The following C2orf68 variants were observed in gnomAD, a reference collection of about 807,000 sequenced individuals.
The protein encoded by C2orf68 is UPF0561 protein C2orf68.
A neutral mutation model predicts 19.1 loss-of-function variants in C2orf68; 15 were observed. The ratio of observed to expected loss-of-function variants is 0.79; its 90% confidence interval spans 0.53 to 1.21. The LOEUF (loss-of-function observed/expected upper bound fraction) is 1.21. C2orf68 is among the 50% of genes most tolerant of loss of function. The pLI is 0.00. For missense variants in C2orf68, 242 were observed against 226.6 expected, an observed-to-expected ratio of 1.07 and a Z score of -0.44; for synonymous variants, 98 against 91.0, an observed-to-expected ratio of 1.08 and a Z score of -0.44.
chr2:85,607,776 A>G lies in C2orf68; in HGVS notation c.*1169T>C, dbSNP rs1278946251. On this transcript the variant is annotated 3_prime_UTR_variant, in exon 4 of 4. Coordinates refer to ENST00000306336, the MANE Select transcript of C2orf68 (RefSeq NM_001013649.4). Reference sequence around the variant, plus strand: ...TTCAAGGCACTGAGGTTAGGCTGATATGCTGGAAAACAAGTGCCTTGGAAC... The same window carrying G: ...TTCAAGGCACTGAGGTTAGGCTGATGTGCTGGAAAACAAGTGCCTTGGAAC... The G allele has an allele frequency of 2.0e-5, 3 of 152,226 alleles. No individual in the cohort carries two copies. Among genetic ancestry groups the G allele is most frequent in the African/African-American group, 4.8e-5 (2 of 41,460 alleles). 9.4% of individuals were successfully genotyped at this position (152,226 alleles called of 1,614,324 possible).
At chr2:85,611,153 A>G (rs1286900765) in intron 2 of C2orf68, 1 of 677,526 alleles carries the variant, frequency 1.5e-6, no homozygotes, top group Non-Finnish European at 1.9e-6. Context: ...GGCTGCAGTA[A>G]GCCCAGATCG....
At position 85,607,163 on chromosome 2, in the gene C2orf68, A is replaced by G. The variant is rs528841294; in HGVS notation, c.*1782T>C. 6.6e-6 allele frequency: 1 copy of G among 152,312 alleles called. No homozygotes were observed. The highest frequency in any genetic ancestry group is 2.4e-5 in the African/African-American group (1 of 41,566). 9.4% of individuals were successfully genotyped at this position (152,312 alleles called of 1,614,324 possible). A position where few individuals can be genotyped will look rare whatever the true frequency, so the allele number is the denominator to read the frequency against. Reference sequence around the variant, plus strand: ...AGGAAACAGGTGATCCAGCTGTGCGAAAACAGACCTCAAATGTATTTCCAG... The same window carrying G: ...AGGAAACAGGTGATCCAGCTGTGCGGAAACAGACCTCAAATGTATTTCCAG... On this transcript the variant is annotated 3_prime_UTR_variant, in exon 4 of 4. Coordinates refer to ENST00000306336, the MANE Select transcript of C2orf68 (RefSeq NM_001013649.4).
In C2orf68 at chr2:85,612,040, C is replaced by G. The variant is rs957294912; in HGVS notation, c.-56G>C. ...CTCGACGGCCCCAACAACAGCCACC[C>G]GCCCACAGAGCTCCGCGCCGCCCCT... is the stretch of plus-strand genomic sequence containing the variant. On this transcript the variant is annotated 5_prime_UTR_variant, in exon 1 of 4. Transcript: ENST00000306336. 2.3e-6 allele frequency: 3 copies of G among 1,285,432 alleles called. No individual in the cohort carries two copies. The highest frequency in any genetic ancestry group is 1.5e-5 in the African/African-American group (1 of 65,334). 79.6% of individuals were successfully genotyped at this position (1,285,432 alleles called of 1,614,324 possible).
At chr2:85,609,123 C>T (rs898148471) in intron 3 of C2orf68, 56 bp from the exon 4 acceptor site, 4 of 1,597,712 alleles carry the variant, frequency 2.5e-6, no homozygotes, top group Non-Finnish European at 3.4e-6. Context: ...GAAAGGTGAC[C>T]TGCCCTGTCC....
chr2:85,611,538 G>A lies in C2orf68; in HGVS notation c.226+130C>T, dbSNP rs766784204. 3.0e-5 allele frequency: 47 copies of A among 1,550,934 alleles called. No individual in the cohort carries two copies. The South Asian group carries it at 5.0e-4, about 16-fold the overall frequency. On this transcript the variant is annotated intron_variant, in intron 2 of 3. Transcript: ENST00000306336. ...TTCAGCGGAGATTTGGGAGCGCTGA[G>A]GTGGAGGTTCCGGAAAGAGACGAGA...
rs1342056900 is a variant in C2orf68 at position 85,611,767 on chromosome 2, CCTT to C, written c.124_126del (p.Lys42del). 1.9e-6 allele frequency: 3 copies of C among 1,612,214 alleles called. No homozygotes were observed. Among genetic ancestry groups the C allele is most frequent in the Non-Finnish European group, 2.5e-6 (3 of 1,179,590 alleles). On this transcript the variant is annotated inframe_deletion, in exon 2 of 4. Coordinates refer to ENST00000306336, the MANE Select transcript of C2orf68 (RefSeq NM_001013649.4). ...ACCTTCTCCTTGGCCGCCTGCTTCA[CCTT>C]CTTGTCATAGTCGTCCCTGCGGGGA...
rs1254086633 is a variant in C2orf68, at chr2:85,611,650, C to A, written c.226+18G>T. 2 of 1,555,718 alleles carry A rather than the reference C, an allele frequency of 1.3e-6. No homozygotes were observed. Among genetic ancestry groups the A allele is most frequent in the African/African-American group, 2.7e-5 (2 of 73,412 alleles). On this transcript the variant is annotated intron_variant, in intron 2 of 3. Transcript: ENST00000306336. Reference sequence around the variant, plus strand: ...GAAGAGCGCGCGGGCTGGAGGCAGGCGGGGCGGGCGGCCTCACCTCGGTGT... The same window carrying A: ...GAAGAGCGCGCGGGCTGGAGGCAGGAGGGGCGGGCGGCCTCACCTCGGTGT...
chr2:85,612,059 C>T lies in C2orf68; in HGVS notation c.-75G>A. On this transcript the variant is annotated 5_prime_UTR_variant, in exon 1 of 4. Coordinates refer to ENST00000306336, the MANE Select transcript of C2orf68 (RefSeq NM_001013649.4). ...GCCACCCGCCCACAGAGCTCCGCGC[C>T]GCCCCTTGCTCAGCTTCCGGCCCCG... 2 of 1,176,568 alleles carry T rather than the reference C, an allele frequency of 1.7e-6. No homozygotes were observed. Among genetic ancestry groups the T allele is most frequent in the Non-Finnish European group, 2.3e-6 (2 of 867,374 alleles). The allele number at this position is 1,176,568 out of a possible 1,614,324, so 72.9% of individuals were successfully genotyped here. A position where few individuals can be genotyped will look rare whatever the true frequency, so the allele number is the denominator to read the frequency against.
rs532829585 is a variant in C2orf68 at position 85,609,841 on chromosome 2, C to T, written c.227-255G>A. Among the ~76,000 whole-genome samples the T allele has an allele frequency of 2.6e-5, 4 of 151,686 alleles. No individual in the cohort carries two copies. In the South Asian group the frequency reaches 6.2e-4, roughly 24 times the overall value. On this transcript the variant is annotated intron_variant, in intron 2 of 3. Coordinates refer to ENST00000306336, the MANE Select transcript of C2orf68 (RefSeq NM_001013649.4). ...GATTACAGGCAAGTGCCACCACATC[C>T]AGCTAATTTTCATATTTTTAGTAGA...
intron 2 of C2orf68, chr2:85,610,963 G>A (rs999894589): frequency 2.6e-5 from 4 of 152,288 alleles, no homozygotes; most frequent in Non-Finnish European, 5.8e-5. Context: ...GTTTCACCAT[G>A]TTAGCCAGGA....
At chr2:85,610,305 G>A (rs1245771148) in intron 2 of C2orf68, 5 of 152,202 alleles carry the variant, frequency 3.3e-5, no homozygotes, top group East Asian at 3.9e-4. Flanking sequence ...ATGAATCACC[G>A]CGCCCGGACC....
chr2:85,611,466 T>A, intron 2 of C2orf68: 2 of 1,547,358 alleles, frequency 1.3e-6, no homozygotes. Flanking sequence ...CTGACAGCGA[T>A]GCTTAACTGG....
In C2orf68 at chr2:85,606,309, C is replaced by T. The variant is rs1333691780; in HGVS notation, c.*2636G>A. 3.3e-5 allele frequency among the ~76,000 whole-genome samples: 5 copies of T among 152,220 alleles called. No homozygotes were observed. Among genetic ancestry groups the T allele is most frequent in the Non-Finnish European group, 4.4e-5 (3 of 68,046 alleles). ...CAGCACCGGACAGTGTTCTTTGGGACATCTCTGGGAAATGCTCTGGAACAT... is the reference window on the plus strand; with the variant it reads ...CAGCACCGGACAGTGTTCTTTGGGATATCTCTGGGAAATGCTCTGGAACAT... On this transcript the variant is annotated 3_prime_UTR_variant, in exon 4 of 4. Transcript: ENST00000306336.
In C2orf68 at chr2:85,611,854, C is replaced by T; in HGVS notation, c.107+24G>A. On this transcript the variant is annotated intron_variant, in intron 1 of 3. Transcript: ENST00000306336. ...CAGGCCAGGCCAGGAGTGGTGGCGG[C>T]GGCGGCGCAGGGCGGGGCGGTACCG... The T allele has an allele frequency of 1.9e-6, 3 of 1,598,140 alleles. No individual in the cohort carries two copies. The South Asian group carries it at 3.3e-5, about 18-fold the overall frequency.
chr2:85,609,150 A>G, intron 3 of C2orf68, 83 bp from the exon 4 acceptor site: 1 of 1,549,904 alleles, frequency 6.5e-7, no homozygotes, highest in East Asian at 2.3e-5. Context: ...ACTCTCACAG[A>G]ACTCCATTTA....
rs972319124 is a variant in C2orf68, at chr2:85,607,175, A to C, written c.*1770T>G. 1 of 152,208 alleles carries C rather than the reference A, an allele frequency of 6.6e-6. No individual in the cohort carries two copies. 9.4% of individuals were successfully genotyped at this position (152,208 alleles called of 1,614,324 possible). On this transcript the variant is annotated 3_prime_UTR_variant, in exon 4 of 4. Coordinates refer to ENST00000306336, the MANE Select transcript of C2orf68 (RefSeq NM_001013649.4). ...ATCCAGCTGTGCGAAAACAGACCTC[A>C]AATGTATTTCCAGACTAAAAAGCCA...
Position 85,608,447 on chromosome 2 carries a change from T to G in C2orf68, c.*498A>C, listed in dbSNP as rs1483577887. ...TTGGAGGGGGAGGAAAACTGATGGA[T>G]TCTACCTGAGGCAAAAAGATGAGGG... is the stretch of plus-strand genomic sequence containing the variant. On this transcript the variant is annotated 3_prime_UTR_variant, in exon 4 of 4. Transcript: ENST00000306336. The G allele has an allele frequency of 1.3e-5, 2 of 152,120 alleles. No homozygotes were observed. Among genetic ancestry groups the G allele is most frequent in the African/African-American group, 4.8e-5 (2 of 41,302 alleles). 9.4% of individuals were successfully genotyped at this position (152,120 alleles called of 1,614,324 possible). A position where few individuals can be genotyped will look rare whatever the true frequency, so the allele number is the denominator to read the frequency against.
At position 85,608,997 on chromosome 2, in the gene C2orf68, G is replaced by C. The variant is rs1238096339; in HGVS notation, c.449C>G (p.Ala150Gly). ...CTCCTCCTGGATACGCAACTTGAGGGCTTCTCGCATGGGTGGATCCAGAGG... is the reference window on the plus strand; with the variant it reads ...CTCCTCCTGGATACGCAACTTGAGGCCTTCTCGCATGGGTGGATCCAGAGG... ...HTPLDPPMRE[A>G]LKLRIQEEIA... Residue 150 changes from alanine (A) to glycine (G), a missense_variant, in exon 4 of 4, where the codon GCC (alanine) becomes GGC (glycine). Transcript: ENST00000306336. 6.2e-7 allele frequency: 1 copy of C among 1,614,106 alleles called. No individual in the cohort carries two copies. Among genetic ancestry groups the C allele is most frequent in the Non-Finnish European group, 8.5e-7 (1 of 1,180,054 alleles).
rs1673320072 is a variant in C2orf68 at position 85,608,848 on chromosome 2, TCAGA to T, written c.*93_*96del. The T allele has an allele frequency of 1.5e-5, 23 of 1,525,218 alleles. No homozygotes were observed. Among genetic ancestry groups the T allele is most frequent in the Non-Finnish European group, 2.1e-5 (23 of 1,121,722 alleles). The allele number at this position is 1,525,218 out of a possible 1,614,324, so 94.5% of individuals were successfully genotyped here. A position where few individuals can be genotyped will look rare whatever the true frequency, so the allele number is the denominator to read the frequency against. On this transcript the variant is annotated 3_prime_UTR_variant, in exon 4 of 4. Coordinates refer to ENST00000306336, the MANE Select transcript of C2orf68 (RefSeq NM_001013649.4). The stretch of plus-strand genomic sequence containing the variant: ...TGCAGCAGCTCTGGGGGTCTCAAGA[TCAGA>T]CAAACTGGTCCTGGTACCCCCACAC...
Sources: gnomAD v4.1 joint callset for allele counts (sites outside exome capture counted in the v4.1 genomes callset) on GRCh38, gnomAD v4.1.1 for gene constraint, MANE v1.5 for transcripts, NCBI Gene and HGNC (gene_info 2026-07-23, HGNC 2026-07-21) for gene names.